FAM13A: variants seen among roughly 807,000 people sequenced by gnomAD.
FAM13A encodes family with sequence similarity 13 member A.
In FAM13A, 76 loss-of-function variants were observed where a neutral mutation model predicts 129.6. The ratio of observed to expected loss-of-function variants is 0.59; its 90% CI spans 0.49 to 0.71. The LOEUF (loss-of-function observed/expected upper bound fraction) is 0.71. Among genes scored for constraint, FAM13A ranks in the 30% least tolerant of loss-of-function variants. The pLI is 0.00. For missense variants in FAM13A, 1,108 were observed against 1,249.3 expected (o/e 0.89, Z 1.70); for synonymous variants, 443 against 449.9 (o/e 0.98, Z 0.20).
intron 3 of FAM13A, among the ~76,000 whole-genome samples, chr4:88,995,116 T>G (rs1016439069): frequency 1.3e-5 from 2 of 152,154 alleles, no homozygotes; most frequent in African/African-American, 4.8e-5. Flanking sequence ...AAAATGTATA[T>G]TTGTTGCACA....
At chr4:88,814,853 T>G (rs1016575758) in intron 7 of FAM13A, among the ~76,000 whole-genome samples, 22 of 152,168 alleles carry the variant, frequency 1.4e-4, no homozygotes, top group East Asian at 1.9e-4. Context: ...GTCTTTTTTT[T>G]GGGGGGAGTG....
intron 19 of FAM13A, among the ~76,000 whole-genome samples, chr4:88,743,863 T>C (rs1740746521): frequency 6.6e-6 from 1 of 152,200 alleles, no homozygotes; most frequent in African/African-American, 2.4e-5. Context: ...CTATGCGGCC[T>C]CAAACTCTTA....
rs116803796 is a variant in FAM13A at position 88,927,778 on chromosome 4, G to A, written c.759+10310C>T. Among the ~76,000 whole-genome samples the A allele has an allele frequency of 2.7e-3, 403 of 151,904 alleles. 2 individuals carry two copies. The highest frequency in any genetic ancestry group is 8.9e-3 in the African/African-American group (369 of 41,448). On this transcript the variant is annotated intron_variant, in intron 5 of 23. Coordinates refer to ENST00000264344, the MANE Select transcript of FAM13A (RefSeq NM_014883.4). The stretch of plus-strand genomic sequence containing the variant: ...CTTTTCTTGGTTAGTCTAGTGAGTG[G>A]TCTATCAATTTTGTCTGTCTTTTTG...
intron 7 of FAM13A, among the ~76,000 whole-genome samples, chr4:88,805,831 G>T (rs548725054): frequency 6.6e-6 from 1 of 151,942 alleles, no homozygotes; most frequent in Admixed American, 6.6e-5. Flanking sequence ...ACCATGTCAG[G>T]CTAGTTTTTT....
intron 7 of FAM13A, among the ~76,000 whole-genome samples, chr4:88,824,720 A>ATTTG (rs1732668414): frequency 6.6e-6 from 1 of 151,632 alleles, no homozygotes; most frequent in Non-Finnish European, 1.5e-5. Context: ...TTATTTATTT[A>ATTTG]TTTTTGAGAT....
At chr4:89,001,506 G>T (rs1028820154) in intron 3 of FAM13A, among the ~76,000 whole-genome samples, 1 of 152,234 alleles carries the variant, frequency 6.6e-6, no homozygotes, top group East Asian at 1.9e-4. Flanking sequence ...TCTGTTTCTC[G>T]CAGAAACAGA....
At position 88,906,450 on chromosome 4, in the gene FAM13A, T is replaced by C. The variant is rs1017533114; in HGVS notation, c.772A>G (p.Lys258Glu). 1 of 1,604,204 alleles carries C rather than the reference T, an allele frequency of 6.2e-7. No individual in the cohort carries two copies. Among genetic ancestry groups the C allele is most frequent in the South Asian group, 1.1e-5 (1 of 89,998 alleles). ...RLIIVKEVYY[K>E]NSLPILLTRG... The stretch of plus-strand genomic sequence containing the variant: ...GTTAAAAGGATGGGCAGGGAGTTCT[T>C]ATAATAGACCTCCTACAAAAGAAGT... Residue 258 changes from lysine to glutamate, a missense_variant, in exon 6 of 24, where the codon AAG (lysine) becomes GAG (glutamate). Transcript: ENST00000264344.
At chr4:88,825,216 A>ATT (rs34736493) in intron 7 of FAM13A, among the ~76,000 whole-genome samples, 2,899 of 145,962 alleles carry the variant, frequency 0.02, 100 homozygotes, top group African/African-American at 0.064. Context: ...TTCTGTGTGA[A>ATT]TTTTTTTTTT....
Position 88,908,389 on chromosome 4 carries a change from C to T in FAM13A, c.760-1927G>A, listed in dbSNP as rs145732130. Among the ~76,000 whole-genome samples, 5 of 152,178 alleles carry T rather than the reference C, an allele frequency of 3.3e-5. No individual in the cohort carries two copies. The East Asian group carries it at 9.7e-4, about 29-fold the overall frequency. Reference sequence around the variant, plus strand: ...TTTTAAAACTACTGGTATGTAAATGCTAGAATATGATGAAAAGAAACAAGG... The same window carrying T: ...TTTTAAAACTACTGGTATGTAAATGTTAGAATATGATGAAAAGAAACAAGG... On this transcript the variant is annotated intron_variant, in intron 5 of 23. Transcript: ENST00000264344.
chr4:88,987,051 G>C (rs898255392), intron 4 of FAM13A, among the ~76,000 whole-genome samples: 1 of 152,126 alleles, frequency 6.6e-6, no homozygotes, highest in Admixed American at 6.5e-5. Context: ...ATCATCTTTA[G>C]CTGAAAAGGT....
At chr4:88,802,479 G>A (rs930064209) in intron 8 of FAM13A, among the ~76,000 whole-genome samples, 1 of 151,994 alleles carries the variant, frequency 6.6e-6, no homozygotes, top group Non-Finnish European at 1.5e-5. Flanking sequence ...ATTTGATTTA[G>A]AATAAAAATA....
intron 4 of FAM13A, chr4:88,989,610 A>G (rs1449958861): frequency 1.3e-5 from 2 of 152,222 alleles, no homozygotes; most frequent in Non-Finnish European, 2.9e-5. Context: ...AAAAAGAACA[A>G]AACAGGTTAA....
At chr4:88,956,261 C>T (rs1757740323) in intron 4 of FAM13A, among the ~76,000 whole-genome samples, 1 of 152,148 alleles carries the variant, frequency 6.6e-6, no homozygotes, top group Non-Finnish European at 1.5e-5. Flanking sequence ...TTTTTCTGTA[C>T]TTTTGTTAGT....
chr4:88,783,806 T>TGCA (rs1723432191), intron 10 of FAM13A, among the ~76,000 whole-genome samples: 1 of 152,012 alleles, frequency 6.6e-6, no homozygotes, highest in Admixed American at 6.6e-5. Context: ...ATCAGGAGTG[T>TGCA]GCACACAGGG....
At chr4:88,937,846 T>C (rs1049383690) in intron 5 of FAM13A, 15 of 549,412 alleles carry the variant, frequency 2.7e-5, no homozygotes, top group African/African-American at 2.7e-4. Context: ...CTCATGCAAG[T>C]GTTTTTGAGA....
intron 7 of FAM13A, among the ~76,000 whole-genome samples, chr4:88,842,452 C>T (rs1490158317): frequency 6.6e-6 from 1 of 152,234 alleles, no homozygotes; most frequent in Non-Finnish European, 1.5e-5. Flanking sequence ...TTCAACAAAT[C>T]CTCTTTGCTT....
At chr4:88,918,282 T>A (rs552342238) in intron 5 of FAM13A, among the ~76,000 whole-genome samples, 39 of 152,248 alleles carry the variant, frequency 2.6e-4, no homozygotes, top group Admixed American at 1.3e-3. Context: ...ATCACTTATA[T>A]AGTAGTTAAC....
intron 11 of FAM13A, among the ~76,000 whole-genome samples, chr4:88,770,694 T>C (rs1019621473): frequency 6.6e-6 from 1 of 152,112 alleles, no homozygotes; most frequent in African/African-American, 2.4e-5. Context: ...TTTTTTTTCC[T>C]AAACAGAGGA....
chr4:88,861,606 T>C (rs868409061), intron 6 of FAM13A, among the ~76,000 whole-genome samples: 4 of 152,160 alleles, frequency 2.6e-5, no homozygotes. Context: ...TTAATAAGCA[T>C]TTACCAAATG....
Sources: gnomAD v4.1 joint callset for allele counts (sites outside exome capture counted in the v4.1 genomes callset) on GRCh38, gnomAD v4.1.1 for gene constraint, MANE v1.5 for transcripts, NCBI Gene and HGNC (gene_info 2026-07-23, HGNC 2026-07-21) for gene names.